SLCO1B3: variants seen among roughly 807,000 people sequenced by gnomAD.
SLCO1B3 encodes the protein solute carrier organic anion transporter family member 1B3.
A neutral mutation model predicts 71.8 loss-of-function variants in SLCO1B3; 72 were observed. That is an observed-to-expected ratio of 1.00 (90% CI 0.83 to 1.22). SLCO1B3 has a LOEUF of 1.22. Ranked by LOEUF, SLCO1B3 falls within the 50% of genes most tolerant of loss-of-function variation. The pLI, the probability that SLCO1B3 is intolerant of heterozygous loss-of-function variation, is 0.00. For missense variants in SLCO1B3, 911 were observed against 819.7 expected (o/e 1.11, Z -1.36); for synonymous variants, 298 against 278.4 (o/e 1.07, Z -0.70).
In SLCO1B3 at chr12:20,916,055, A is replaced by G. The variant is rs370819902; in HGVS notation, c.1917A>G (p.Leu639=). 9.9e-6 allele frequency: 16 copies of G among 1,610,564 alleles called. No individual in the cohort carries two copies. The highest frequency in any genetic ancestry group is 1.2e-5 in the Non-Finnish European group (14 of 1,177,138). ...SIALRFPALV[L]YIVFIFAMKK... Reference sequence around the variant, plus strand: ...CTTTAAGATTCCCAGCACTTGTTTTATATATTGTTTTCATTTTTGCTATGA... The same window carrying G: ...CTTTAAGATTCCCAGCACTTGTTTTGTATATTGTTTTCATTTTTGCTATGA... The change falls in exon 16 of 16, where the codon TTA becomes TTG. Residue 639 remains leucine (L), a synonymous_variant. Coordinates refer to ENST00000381545, the MANE Select transcript of SLCO1B3 (RefSeq NM_019844.4).
intron 13 of SLCO1B3, among the ~76,000 whole-genome samples, chr12:20,897,650 A>G (rs1213105207): frequency 1.3e-5 from 2 of 152,190 alleles, no homozygotes; most frequent in East Asian, 1.9e-4. Flanking sequence ...ACCATCCAAC[A>G]CTTCGAGGAG....
intron 3 of SLCO1B3, among the ~76,000 whole-genome samples, chr12:20,839,092 C>T (rs747571857): frequency 4.6e-5 from 7 of 151,836 alleles, no homozygotes; most frequent in Admixed American, 2.0e-4. Context: ...TATTTTTATT[C>T]TTCTCTCCCG....
intron 3 of SLCO1B3, among the ~76,000 whole-genome samples, chr12:20,847,219 TA>T (rs11410978): frequency 0.53 from 80,382 of 150,624 alleles, 23,979 homozygotes; most frequent in South Asian, 0.77. Context: ...GTGGAAGAAT[TA>T]AAAAAAAAAT....
Position 20,877,845 on chromosome 12 carries a change from A to C in SLCO1B3, c.1044A>C (p.Gln348His), listed in dbSNP as rs1191902911. 5 of 1,586,008 alleles carry C rather than the reference A, an allele frequency of 3.2e-6. No individual in the cohort carries two copies. The highest frequency in any genetic ancestry group is 3.6e-5 in the Admixed American group (2 of 55,732). ...TATTTCTGCTTTTGACATTGTTACA[A>C]GTAAGCAGCTTTATTGGTTCTTTTA... ...YVIFLLLTLL[Q>H]VSSFIGSFTY... The change falls in exon 10 of 16, where the codon CAA (glutamine) becomes CAC (histidine). Residue 348 changes from glutamine (Q) to histidine (H), a missense_variant. Coordinates refer to ENST00000381545, the MANE Select transcript of SLCO1B3 (RefSeq NM_019844.4).
At position 20,908,726 on chromosome 12, in the gene SLCO1B3, T is replaced by C. The variant is rs376628884; in HGVS notation, c.1865+7259T>C. 8.1e-4 allele frequency among the ~76,000 whole-genome samples: 123 copies of C among 152,338 alleles called. 2 individuals carry two copies. In the South Asian group the frequency reaches 0.024, roughly 30 times the overall value. On this transcript the variant is annotated intron_variant, in intron 15 of 15. Transcript: ENST00000381545. ...TTTGTATTGCTTGATGGGTTATTTCTTTTTAGCACTGAACAATAATTGATT... is the reference window on the plus strand; with the variant it reads ...TTTGTATTGCTTGATGGGTTATTTCCTTTTAGCACTGAACAATAATTGATT...
intron 7 of SLCO1B3, 51 bp from the exon 8 acceptor site, chr12:20,862,705 G>A (rs1170963133): frequency 6.6e-7 from 1 of 1,508,366 alleles, no homozygotes; most frequent in Non-Finnish European, 9.1e-7. Context: ...CATGTTAAAT[G>A]AAAACCAAGT....
At chr12:20,908,239 A>G (rs988620853) in intron 15 of SLCO1B3, among the ~76,000 whole-genome samples, 3 of 152,226 alleles carry the variant, frequency 2.0e-5, no homozygotes, top group African/African-American at 7.2e-5. Flanking sequence ...GAATAGTTTC[A>G]GAATCACAGT....
At chr12:20,876,029 T>C (rs1865571917) in intron 9 of SLCO1B3, among the ~76,000 whole-genome samples, 1 of 151,472 alleles carries the variant, frequency 6.6e-6, no homozygotes, top group African/African-American at 2.4e-5. Flanking sequence ...GTAATTAGAG[T>C]AAGATTATTT....
chr12:20,856,989 C>A (rs368365369), intron 4 of SLCO1B3, among the ~76,000 whole-genome samples: 37 of 152,124 alleles, frequency 2.4e-4, no homozygotes, highest in African/African-American at 8.4e-4. Flanking sequence ...GAATTGAAAA[C>A]GTGGCATATT....
intron 8 of SLCO1B3, among the ~76,000 whole-genome samples, chr12:20,874,566 T>C (rs1038291346): frequency 3.3e-5 from 5 of 152,208 alleles, no homozygotes; most frequent in African/African-American, 1.2e-4. Flanking sequence ...AAATAACTCA[T>C]TGACATTTGA....
intron 8 of SLCO1B3, among the ~76,000 whole-genome samples, chr12:20,863,508 C>T (rs763587240): frequency 1.2e-4 from 18 of 152,072 alleles, no homozygotes; most frequent in Non-Finnish European, 1.9e-4. Context: ...TACAGATATA[C>T]CTTCACCATA....
chr12:20,890,491 G>A (rs767751300), intron 13 of SLCO1B3, among the ~76,000 whole-genome samples: 119 of 152,210 alleles, frequency 7.8e-4, no homozygotes, highest in Non-Finnish European at 2.5e-4. Context: ...TGAGGTTGTA[G>A]GGTAAAATGT....
chr12:20,883,484 GGT>G lies in SLCO1B3; in HGVS notation c.1566_1567del (p.Glu523MetfsTer5). On this transcript the variant is annotated frameshift_variant, in exon 13 of 16. Coordinates refer to ENST00000381545, the MANE Select transcript of SLCO1B3 (RefSeq NM_019844.4). LOFTEE classifies it high-confidence loss of function. ...GAACAGAAATTACTCAGCACACTTG[GGT>G]GAATGCCCAAGAGATAATACTTGTA... Reference protein sequence around the residue: ...LQNRNYSAHLGECPRDNTCTR... With the variant: ...LQNRNYSAHLXECPRDNTCTR... 6.3e-7 allele frequency: 1 copy of G among 1,598,978 alleles called. No individual in the cohort carries two copies. The highest frequency in any genetic ancestry group is 8.5e-7 in the Non-Finnish European group (1 of 1,172,586).
At position 20,837,639 on chromosome 12, in the gene SLCO1B3, T is replaced by C. The variant is rs139135612; in HGVS notation, c.85-17389T>C. Among the ~76,000 whole-genome samples the C allele has an allele frequency of 1.7e-4, 26 of 152,266 alleles. No homozygotes were observed. In the East Asian group the frequency reaches 4.0e-3, roughly 24 times the overall value. The stretch of plus-strand genomic sequence containing the variant: ...GGGATTTTTCCAGTTATTTCTGTTA[T>C]TGATTCTACTTTAATTCTATTGTTG... On this transcript the variant is annotated intron_variant, in intron 3 of 15. Coordinates refer to ENST00000381545, the MANE Select transcript of SLCO1B3 (RefSeq NM_019844.4).
At chr12:20,818,802 G>A (rs1331411710) in intron 3 of SLCO1B3, among the ~76,000 whole-genome samples, 8 of 152,310 alleles carry the variant, frequency 5.3e-5, no homozygotes, top group African/African-American at 1.4e-4. Context: ...CAGGGACGAA[G>A]GAAATGTGGG....
chr12:20,811,466 C>T (rs529491376), intron 1 of SLCO1B3, among the ~76,000 whole-genome samples: 1 of 152,188 alleles, frequency 6.6e-6, no homozygotes, highest in Non-Finnish European at 1.5e-5. Flanking sequence ...CTCCTCTGAA[C>T]AATCTAAGAA....
intron 13 of SLCO1B3, among the ~76,000 whole-genome samples, chr12:20,894,326 T>A (rs1865958946): frequency 6.6e-6 from 1 of 152,048 alleles, no homozygotes; most frequent in Non-Finnish European, 1.5e-5. Flanking sequence ...AGTGAGGATG[T>A]GAGTATGAGC....
intron 3 of SLCO1B3, among the ~76,000 whole-genome samples, chr12:20,823,387 T>G (rs1397704510): frequency 1.3e-5 from 2 of 152,108 alleles, no homozygotes; most frequent in African/African-American, 4.8e-5. Flanking sequence ...AGGAAAAATT[T>G]TAGACTTTAT....
At chr12:20,846,519 C>G (rs899857594) in intron 3 of SLCO1B3, among the ~76,000 whole-genome samples, 1 of 152,226 alleles carries the variant, frequency 6.6e-6, no homozygotes. Context: ...CAGTCCTTAA[C>G]AGATGGTAAT....
Sources: allele counts gnomAD v4.1 joint callset (sites outside exome capture counted in the v4.1 genomes callset), GRCh38; gene constraint gnomAD v4.1.1; transcripts MANE v1.5; gene names NCBI Gene and HGNC (gene_info 2026-07-23, HGNC 2026-07-21).